The following SNAP29 variants were observed in gnomAD, a reference collection of about 807,000 sequenced individuals.
The protein encoded by SNAP29 is synaptosome associated protein 29, also known as synaptosomal-associated protein 29.
A neutral mutation model predicts 27.9 loss-of-function variants in SNAP29; 13 were observed. The ratio of observed to expected loss-of-function variants is 0.47; its 90% CI spans 0.30 to 0.74. The LOEUF (loss-of-function observed/expected upper bound fraction) is 0.74. Among genes scored for constraint, SNAP29 ranks in the 30% least tolerant of loss-of-function variants. SNAP29 has a pLI of 0.06. For missense variants in SNAP29, 368 were observed against 336.5 expected (o/e 1.09, Z -0.73); for synonymous variants, 119 against 127.1 (o/e 0.94, Z 0.43).
In SNAP29 at chr22:20,888,510, C is replaced by CA. The variant is rs1447422059; in HGVS notation, c.*675dup. 6.3e-6 allele frequency: 1 copy of CA among 157,562 alleles called. No homozygotes were observed. Among genetic ancestry groups the CA allele is most frequent in the Admixed American group, 6.1e-5 (1 of 16,312 alleles). The allele number at this position is 157,562 out of a possible 1,614,324, so 9.8% of individuals were successfully genotyped here. ...GGCATGTATATTAGTAGGAGGGCTTCACACCAGCACTGCTCACTGCGACTC... is the reference window on the plus strand; with the variant it reads ...GGCATGTATATTAGTAGGAGGGCTTCAACACCAGCACTGCTCACTGCGACTC... On this transcript the variant is annotated 3_prime_UTR_variant, in exon 5 of 5. Transcript: ENST00000215730.
chr22:20,870,437 A>C lies in SNAP29; in HGVS notation c.338A>C (p.Lys113Thr). The change falls in exon 2 of 5, where the codon AAG becomes ACG. Residue 113 changes from lysine (K) to threonine (T), a missense_variant. Transcript: ENST00000215730. ...AGCCAGAAACACATCAATAGCATTA[A>C]GAGCGTGTTTGGGGGGCTGGTCAAT... ...KISQKHINSI[K>T]SVFGGLVNYF... 6.2e-7 allele frequency: 1 copy of C among 1,614,234 alleles called. No homozygotes were observed.
At chr22:20,867,021 T>A (rs1474070977) in intron 1 of SNAP29, among the ~76,000 whole-genome samples, 1 of 152,194 alleles carries the variant, frequency 6.6e-6, no homozygotes, top group Non-Finnish European at 1.5e-5. Context: ...ATTCCGAGCA[T>A]TGCAATGTTG....
chr22:20,859,386 C>T (rs778045681), intron 1 of SNAP29, 39 bp downstream of exon 1: 2 of 1,370,164 alleles, frequency 1.5e-6, no homozygotes, highest in African/African-American at 2.8e-5. Flanking sequence ...TCGCCGGTCT[C>T]TGTGCTGTCA....
chr22:20,859,029 C>A lies in SNAP29; in HGVS notation c.-82C>A. On this transcript the variant is annotated 5_prime_UTR_variant, in exon 1 of 5. Coordinates refer to ENST00000215730, the MANE Select transcript of SNAP29 (RefSeq NM_004782.4). ...GGAGTTCGCGCGACGACCGCGGGGTCGGCGGGCGGGGCGAGGCCCTGGACG... is the reference window on the plus strand; with the variant it reads ...GGAGTTCGCGCGACGACCGCGGGGTAGGCGGGCGGGGCGAGGCCCTGGACG... The A allele has an allele frequency of 1.4e-6, 2 of 1,391,462 alleles. No homozygotes were observed. Among genetic ancestry groups the A allele is most frequent in the South Asian group, 1.3e-5 (1 of 77,922 alleles). The allele number at this position is 1,391,462 out of a possible 1,614,324, so 86.2% of individuals were successfully genotyped here. A position where few individuals can be genotyped will look rare whatever the true frequency, so the allele number is the denominator to read the frequency against.
intron 2 of SNAP29, chr22:20,870,860 G>C (rs1194031130): frequency 2.6e-6 from 1 of 380,332 alleles, no homozygotes; most frequent in Non-Finnish European, 5.0e-6. Context: ...TTTAGGGCTG[G>C]GTGCAGTGGC....
intron 2 of SNAP29, among the ~76,000 whole-genome samples, chr22:20,872,661 A>G (rs1928622178): frequency 6.6e-6 from 1 of 151,836 alleles, no homozygotes; most frequent in Non-Finnish European, 1.5e-5. Context: ...CCGCCTTCCA[A>G]AGTGCTGGGA....
chr22:20,870,600 C>CT lies in SNAP29; in HGVS notation c.434+70dup, dbSNP rs1369328282. The CT allele has an allele frequency of 2.8e-6, 4 of 1,444,428 alleles. No homozygotes were observed. In the East Asian group the frequency reaches 9.5e-5, roughly 34 times the overall value. The allele number at this position is 1,444,428 out of a possible 1,614,324, so 89.5% of individuals were successfully genotyped here. A position where few individuals can be genotyped will look rare whatever the true frequency, so the allele number is the denominator to read the frequency against. On this transcript the variant is annotated intron_variant, in intron 2 of 4. Transcript: ENST00000215730. ...TGGGGATTAGTGCAAATGACCAAGA[C>CT]TTTCAGTCCACGTCAGTGCCATGAA...
At chr22:20,869,477 T>C (rs1928534788) in intron 1 of SNAP29, among the ~76,000 whole-genome samples, 1 of 152,126 alleles carries the variant, frequency 6.6e-6, no homozygotes, top group Non-Finnish European at 1.5e-5. Flanking sequence ...GTCACCCGTG[T>C]TAACAGGTTT....
rs1315108864 is a variant in SNAP29, at chr22:20,889,663, C to T, written c.*1827C>T. On this transcript the variant is annotated 3_prime_UTR_variant, in exon 5 of 5. Coordinates refer to ENST00000215730, the MANE Select transcript of SNAP29 (RefSeq NM_004782.4). ...CAGCTTTTGTGCACGGTTCCACTTA[C>T]TGTAATTGTTTCTGGTTCTTTCCTC... 3.3e-5 allele frequency: 5 copies of T among 152,208 alleles called. No homozygotes were observed. The highest frequency in any genetic ancestry group is 7.3e-5 in the Non-Finnish European group (5 of 68,042). 9.4% of individuals were successfully genotyped at this position (152,208 alleles called of 1,614,324 possible). A position where few individuals can be genotyped will look rare whatever the true frequency, so the allele number is the denominator to read the frequency against.
chr22:20,880,010 C>G (rs1003108639), intron 2 of SNAP29, among the ~76,000 whole-genome samples: 2 of 83,014 alleles, frequency 2.4e-5, no homozygotes, highest in Non-Finnish European at 4.7e-5. Context: ...GAGACCCTAT[C>G]TCAAACAACA....
chr22:20,865,884 G>A (rs1928447194), intron 1 of SNAP29, among the ~76,000 whole-genome samples: 2 of 152,140 alleles, frequency 1.3e-5, no homozygotes, highest in South Asian at 4.1e-4. Context: ...CTTAAGCCTG[G>A]GTGTCCAGAG....
chr22:20,880,920 CAGA>C (rs1472907575), intron 2 of SNAP29, 126 bp from the exon 3 acceptor site: 1 of 672,110 alleles, frequency 1.5e-6, no homozygotes, highest in East Asian at 2.9e-5. Flanking sequence ...CTACTTTGGT[CAGA>C]AGGAGTTTGG....
chr22:20,873,964 C>CAAAAAAA (rs362036), intron 2 of SNAP29, among the ~76,000 whole-genome samples: 30 of 25,978 alleles, frequency 1.2e-3, no homozygotes, highest in African/African-American at 4.7e-3. Flanking sequence ...GACTCTGTCT[C>CAAAAAAA]AAAAAAAAAA....
intron 4 of SNAP29, among the ~76,000 whole-genome samples, chr22:20,887,204 A>G: frequency 4.0e-5 from 6 of 151,654 alleles, no homozygotes; most frequent in Non-Finnish European, 5.9e-5. Flanking sequence ...CAGCCTGGAC[A>G]AAAGAGCAAA....
At chr22:20,880,515 A>G (rs1322667333) in intron 2 of SNAP29, among the ~76,000 whole-genome samples, 1 of 152,018 alleles carries the variant, frequency 6.6e-6, no homozygotes, top group Non-Finnish European at 1.5e-5. Context: ...CAAAAAAAAA[A>G]AAAAAGAACG....
intron 1 of SNAP29, among the ~76,000 whole-genome samples, chr22:20,866,185 C>T (rs1290181297): frequency 6.6e-6 from 1 of 152,230 alleles, no homozygotes; most frequent in African/African-American, 2.4e-5. Context: ...GGCCTGCACA[C>T]AGACGGCGAG....
intron 2 of SNAP29, 73 bp downstream of exon 2, chr22:20,870,606 G>C (rs184668953): frequency 5.9e-6 from 8 of 1,360,472 alleles, no homozygotes; most frequent in Non-Finnish European, 8.3e-6. Context: ...AAGACTTTCA[G>C]TCCACGTCAG....
In SNAP29 at chr22:20,859,023, C is replaced by G; in HGVS notation, c.-88C>G. ...GCGGAAGGAGTTCGCGCGACGACCG[C>G]GGGGTCGGCGGGCGGGGCGAGGCCC... is the stretch of plus-strand genomic sequence containing the variant. On this transcript the variant is annotated 5_prime_UTR_variant, in exon 1 of 5. Coordinates refer to ENST00000215730, the MANE Select transcript of SNAP29 (RefSeq NM_004782.4). 1 of 1,376,628 alleles carries G rather than the reference C, an allele frequency of 7.3e-7. No individual in the cohort carries two copies. The highest frequency in any genetic ancestry group is 9.9e-7 in the Non-Finnish European group (1 of 1,005,994). The allele number at this position is 1,376,628 out of a possible 1,614,324, so 85.3% of individuals were successfully genotyped here.
chr22:20,860,661 A>G (rs1928280501), intron 1 of SNAP29, among the ~76,000 whole-genome samples: 1 of 151,928 alleles, frequency 6.6e-6, no homozygotes. Flanking sequence ...GTGAGCCACC[A>G]TACCGGTCGA....
Sources: gnomAD v4.1 joint callset for allele counts (sites outside exome capture counted in the v4.1 genomes callset) on GRCh38, gnomAD v4.1.1 for gene constraint, MANE v1.5 for transcripts, NCBI Gene and HGNC (gene_info 2026-07-23, HGNC 2026-07-21) for gene names.